The following GJA3 variants were observed in gnomAD, a reference collection of about 807,000 sequenced individuals.
GJA3 encodes the protein gap junction protein alpha 3, also known as gap junction alpha-3 protein.
For missense variants in GJA3, 571 were observed against 620.3 expected, an observed-to-expected ratio of 0.92 and a Z score of 0.84; for synonymous variants, 297 against 292.6, an observed-to-expected ratio of 1.02 and a Z score of -0.15.
At position 20,142,294 on chromosome 13, in the gene GJA3, G is replaced by A. The variant is rs752918056; in HGVS notation, c.995C>T (p.Ala332Val). 1 of 1,569,058 alleles carries A rather than the reference G, an allele frequency of 6.4e-7. No individual in the cohort carries two copies. Among genetic ancestry groups the A allele is most frequent in the Non-Finnish European group, 8.6e-7 (1 of 1,159,492 alleles). ...LMTEQNWANQ[A>V]AERQPPALKA... ...GAGCGCCGGGGGCTGCCGCTCGGCC[G>A]CCTGGTTGGCCCAGTTCTGCTCAGT... The change falls in exon 2 of 2, where the codon GCG becomes GTG. Residue 332 changes from alanine (A) to valine (V), a missense_variant. Coordinates refer to ENST00000241125, the MANE Select transcript of GJA3 (RefSeq NM_021954.4).
chr13:20,142,126 G>A lies in GJA3; in HGVS notation c.1163C>T (p.Ala388Val). The change falls in exon 2 of 2, where the codon GCA becomes GTA. Residue 388 changes from alanine to valine, a missense_variant. Ala to Val is a moderately conservative substitution (Grantham distance 64, BLOSUM62 0). Transcript: ENST00000241125. ...SGSSLEGSAL[A>V]GTPEEEEQAV... ...CTGCTCCTCCTCCTCGGGGGTCCCT[G>A]CCAGGGCGCTCCCCTCCAGACTGCT... The A allele has an allele frequency of 6.5e-7, 1 of 1,543,590 alleles. No homozygotes were observed. The highest frequency in any genetic ancestry group is 1.2e-5 in the South Asian group (1 of 83,738).
rs145858060 is a variant in GJA3, at chr13:20,147,222, G to A, written c.-17-3917C>T. Among the ~76,000 whole-genome samples the A allele has an allele frequency of 3.4e-3, 520 of 152,288 alleles. 4 individuals carry two copies. Among genetic ancestry groups the A allele is most frequent in the Middle Eastern group, 0.01 (3 of 294 alleles). ...GCACAGGGGATTGGTTAAGAGAGTC[G>A]TAGGTCACCTGCTGTGAACTGTGGA... On this transcript the variant is annotated intron_variant, in intron 1 of 1. Coordinates refer to ENST00000241125, the MANE Select transcript of GJA3 (RefSeq NM_021954.4).
chr13:20,157,480 C>T (rs1958912833), intron 1 of GJA3, among the ~76,000 whole-genome samples: 1 of 150,982 alleles, frequency 6.6e-6, no homozygotes, highest in Non-Finnish European at 1.5e-5. Flanking sequence ...CTAGTTTATG[C>T]TCCTTATTTT....
At chr13:20,151,713 A>C (rs904113101) in intron 1 of GJA3, among the ~76,000 whole-genome samples, 1 of 152,118 alleles carries the variant, frequency 6.6e-6, no homozygotes, top group African/African-American at 2.4e-5. Flanking sequence ...TGAGCTCAGC[A>C]AGCTGAGGCG....
chr13:20,160,145 C>CA (rs1251797742), intron 1 of GJA3, among the ~76,000 whole-genome samples: 1 of 152,026 alleles, frequency 6.6e-6, no homozygotes, highest in East Asian at 1.9e-4. Flanking sequence ...GAGTCGGCAA[C>CA]AAAGCAAATG....
chr13:20,141,255 G>A lies in GJA3; in HGVS notation c.*726C>T, dbSNP rs1336455958. On this transcript the variant is annotated 3_prime_UTR_variant, in exon 2 of 2. Transcript: ENST00000241125. ...TACGGCATACCCGACACACTTTTAT[G>A]TCAATTTCCTCAACTGTTTAAAAAT... 3 of 152,210 alleles carry A rather than the reference G, an allele frequency of 2.0e-5. No homozygotes were observed. Among genetic ancestry groups the A allele is most frequent in the Non-Finnish European group, 4.4e-5 (3 of 68,036 alleles). 9.4% of individuals were successfully genotyped at this position (152,210 alleles called of 1,614,324 possible).
At position 20,143,010 on chromosome 13, in the gene GJA3, C is replaced by A; in HGVS notation, c.279G>T (p.Leu93=). 1.2e-6 allele frequency: 2 copies of A among 1,609,262 alleles called. No homozygotes were observed. Among genetic ancestry groups the A allele is most frequent in the Non-Finnish European group, 1.7e-6 (2 of 1,177,762 alleles). ...TGCGCACGATGTGCAGCACGTGGCC[C>A]AGGTAGATGAGGGTGGGCGTGGACA... ...IFVSTPTLIY[L]GHVLHIVRME... is the part of the protein sequence containing the mutation. Residue 93 remains leucine (L), a synonymous_variant, in exon 2 of 2, where the codon CTG becomes CTT. Coordinates refer to ENST00000241125, the MANE Select transcript of GJA3 (RefSeq NM_021954.4).
upstream of GJA3, among the ~76,000 whole-genome samples, chr13:20,161,336 G>A (rs1424260139): frequency 2.0e-5 from 3 of 152,120 alleles, no homozygotes; most frequent in Admixed American, 6.5e-5. Context: ...GCATGCCCGC[G>A]CGGGACGTGA....
At chr13:20,151,686 G>A (rs973772037) in intron 1 of GJA3, among the ~76,000 whole-genome samples, 7 of 152,088 alleles carry the variant, frequency 4.6e-5, no homozygotes, top group African/African-American at 9.7e-5. Context: ...CTCAAGGGAC[G>A]GCGAGGATGG....
At chr13:20,145,954 G>C (rs1958839625) in intron 1 of GJA3, among the ~76,000 whole-genome samples, 1 of 152,150 alleles carries the variant, frequency 6.6e-6, no homozygotes, top group Non-Finnish European at 1.5e-5. Context: ...CTGGGCTCTA[G>C]AGTACACCTG....
At chr13:20,147,946 G>C (rs1357935184) in intron 1 of GJA3, among the ~76,000 whole-genome samples, 1 of 152,008 alleles carries the variant, frequency 6.6e-6, no homozygotes, top group Non-Finnish European at 1.5e-5. Context: ...GCAGTGTTTG[G>C]AGAAAGCAGT....
chr13:20,153,889 G>C (rs1471543654), intron 1 of GJA3, among the ~76,000 whole-genome samples: 1 of 151,878 alleles, frequency 6.6e-6, no homozygotes, highest in African/African-American at 2.4e-5. Flanking sequence ...AGACCAGCAT[G>C]AAAGAGGAAA....
rs1263586500 is a variant in GJA3 at position 20,141,026 on chromosome 13, T to C, written c.*955A>G. On this transcript the variant is annotated 3_prime_UTR_variant, in exon 2 of 2. Transcript: ENST00000241125. ...ACTCATGAAATTAAAGAATTTCTTTTACAAGAAAGTTCAAAATCTTTAGTA... is the reference window on the plus strand; with the variant it reads ...ACTCATGAAATTAAAGAATTTCTTTCACAAGAAAGTTCAAAATCTTTAGTA... The C allele has an allele frequency of 6.6e-6, 1 of 152,256 alleles. No individual in the cohort carries two copies. Among genetic ancestry groups the C allele is most frequent in the Non-Finnish European group, 1.5e-5 (1 of 68,042 alleles). The allele number at this position is 152,256 out of a possible 1,614,324, so 9.4% of individuals were successfully genotyped here.
In GJA3 at chr13:20,142,664, C is replaced by A; in HGVS notation, c.625G>T (p.Ala209Ser). ...EKTIFIIFML[A>S]VACASLLLNM... is the part of the protein sequence containing the mutation. ...AGCAGCAGGGACGCGCAGGCCACCG[C>A]CAGCATGAAGATGATGAAGATGGTC... Residue 209 changes from alanine to serine, a missense_variant, in exon 2 of 2, where the codon GCG becomes TCG. Physicochemically the swap from Ala to Ser is moderately conservative, Grantham distance 99. Transcript: ENST00000241125. The A allele has an allele frequency of 6.2e-7, 1 of 1,613,898 alleles. No individual in the cohort carries two copies.
intron 1 of GJA3, among the ~76,000 whole-genome samples, chr13:20,152,903 A>G (rs1958887020): frequency 6.6e-6 from 1 of 152,128 alleles, no homozygotes; most frequent in Non-Finnish European, 1.5e-5. Context: ...TCAGATGCTC[A>G]TTTTTGCATT....
In GJA3 at chr13:20,142,086, C is replaced by T. The variant is rs757596277; in HGVS notation, c.1203G>A (p.Ala401=). 3.3e-5 allele frequency: 51 copies of T among 1,549,152 alleles called. No homozygotes were observed. The highest frequency in any genetic ancestry group is 2.1e-4 in the African/African-American group (15 of 73,018). Reference sequence around the variant, plus strand: ...GCAAGGGCGGCTGGTGCATCTGGGCCGCGGTGGTCACGGCCTGCTCCTCCT... The same window carrying T: ...GCAAGGGCGGCTGGTGCATCTGGGCTGCGGTGGTCACGGCCTGCTCCTCCT... ...PEEEEQAVTT[A]AQMHQPPLPL... Residue 401 remains alanine, a synonymous_variant, in exon 2 of 2, where the codon GCG becomes GCA. Coordinates refer to ENST00000241125, the MANE Select transcript of GJA3 (RefSeq NM_021954.4).
chr13:20,145,903 C>T (rs1958839198), intron 1 of GJA3, among the ~76,000 whole-genome samples: 1 of 152,168 alleles, frequency 6.6e-6, no homozygotes, highest in African/African-American at 2.4e-5. Context: ...TCCATCCTCC[C>T]ACAGCCCCAC....
In GJA3 at chr13:20,142,128, C is replaced by T. The variant is rs1240738556; in HGVS notation, c.1161G>A (p.Leu387=). 9 of 1,543,394 alleles carry T rather than the reference C, an allele frequency of 5.8e-6. No homozygotes were observed. The East Asian group carries it at 2.2e-4, about 38-fold the overall frequency. ...GSGSSLEGSA[L]AGTPEEEEQA... is the part of the protein sequence containing the mutation. Reference sequence around the variant, plus strand: ...GCTCCTCCTCCTCGGGGGTCCCTGCCAGGGCGCTCCCCTCCAGACTGCTGC... The same window carrying T: ...GCTCCTCCTCCTCGGGGGTCCCTGCTAGGGCGCTCCCCTCCAGACTGCTGC... Residue 387 remains leucine, a synonymous_variant, in exon 2 of 2, where the codon CTG becomes CTA. Transcript: ENST00000241125.
At chr13:20,157,663 C>T (rs192762387) in intron 1 of GJA3, among the ~76,000 whole-genome samples, 1 of 152,340 alleles carries the variant, frequency 6.6e-6, no homozygotes, top group African/African-American at 2.4e-5. Context: ...CAGCTTATGA[C>T]ACTATGTATT....
Sources: allele counts gnomAD v4.1 joint callset (sites outside exome capture counted in the v4.1 genomes callset), GRCh38; gene constraint gnomAD v4.1.1; transcripts MANE v1.5; gene names NCBI Gene and HGNC (gene_info 2026-07-23, HGNC 2026-07-21).